Variants in STK32B observed in about 807,000 individuals in gnomAD.
The protein encoded by STK32B is serine/threonine kinase 32B, also known as serine/threonine-protein kinase 32B.
A neutral mutation model predicts 52.6 loss-of-function variants in STK32B; 43 were observed. The ratio of observed to expected loss-of-function variants is 0.82; its 90% CI spans 0.64 to 1.05. The LOEUF (loss-of-function observed/expected upper bound fraction) is 1.05, where lower values mean the gene tolerates loss of function less well. Ranked by LOEUF, STK32B falls within the 50% of genes least tolerant of loss-of-function variation. The pLI is 0.00. For missense variants in STK32B, 621 were observed against 534.6 expected (o/e 1.16, Z -1.59); for synonymous variants, 238 against 204.3 (o/e 1.17, Z -1.41).
chr4:5,490,842 C>T (rs150728959), intron 11 of STK32B, among the ~76,000 whole-genome samples: 150 of 151,980 alleles, frequency 9.9e-4, no homozygotes, highest in African/African-American at 3.4e-3. Context: ...TTTGTTCTTG[C>T]GATAGTTTAC....
intron 3 of STK32B, among the ~76,000 whole-genome samples, chr4:5,325,741 C>T (rs1459779675): frequency 2.6e-5 from 4 of 152,126 alleles, no homozygotes; most frequent in African/African-American, 9.7e-5. Flanking sequence ...CAGATTTTTC[C>T]ATAGGTCAGA....
At chr4:5,446,893 C>A in intron 7 of STK32B, 117 bp downstream of exon 7, 1 of 936,162 alleles carries the variant, frequency 1.1e-6, no homozygotes, top group Non-Finnish European at 1.6e-6. Context: ...GGGGGAGTCA[C>A]TGCCCCCCAG....
intron 1 of STK32B, among the ~76,000 whole-genome samples, chr4:5,107,907 G>T (rs764541240): frequency 6.6e-6 from 1 of 151,838 alleles, no homozygotes; most frequent in Non-Finnish European, 1.5e-5. Context: ...TTATTAAAAC[G>T]TAGCAAACAC....
chr4:5,287,508 A>G (rs1407639856), intron 3 of STK32B, among the ~76,000 whole-genome samples: 1 of 152,060 alleles, frequency 6.6e-6, no homozygotes, highest in African/African-American at 2.4e-5. Context: ...TTGAATAGAT[A>G]CATTTATATG....
At chr4:5,300,892 T>C (rs1246910741) in intron 3 of STK32B, among the ~76,000 whole-genome samples, 1 of 152,074 alleles carries the variant, frequency 6.6e-6, no homozygotes, top group Admixed American at 6.6e-5. Context: ...CATTGCAATT[T>C]CTATTAAATT....
In STK32B at chr4:5,398,998, G is replaced by A. The variant is rs1737107237; in HGVS notation, c.472+754G>A. On this transcript the variant is annotated intron_variant, in intron 5 of 11. Transcript: ENST00000282908. The surrounding 1 kb of genome is among the most constrained non-coding windows in gnomAD (Gnocchi z 4.9). Reference sequence around the variant, plus strand: ...CCCGGTCCTGCTTCAGCAAGCCTGGGCTCCTGTGTTCTGGATCCTGTGTCC... The same window carrying A: ...CCCGGTCCTGCTTCAGCAAGCCTGGACTCCTGTGTTCTGGATCCTGTGTCC... Among the ~76,000 whole-genome samples, 2 of 152,230 alleles carry A rather than the reference G, an allele frequency of 1.3e-5. No homozygotes were observed. Among genetic ancestry groups the A allele is most frequent in the African/African-American group, 4.8e-5 (2 of 41,472 alleles).
At chr4:5,176,435 C>G (rs1363928437) in intron 3 of STK32B, among the ~76,000 whole-genome samples, 1 of 118,800 alleles carries the variant, frequency 8.4e-6, no homozygotes, top group Non-Finnish European at 1.7e-5. Flanking sequence ...ATTCGGCCAT[C>G]ATCTTTTTTT....
chr4:5,332,859 T>G (rs1359831914), intron 4 of STK32B, among the ~76,000 whole-genome samples: 2 of 152,222 alleles, frequency 1.3e-5, no homozygotes, highest in African/African-American at 4.8e-5. Flanking sequence ...TATTCCATGG[T>G]GTATATGTGC....
intron 2 of STK32B, among the ~76,000 whole-genome samples, chr4:5,153,922 T>C (rs1208040011): frequency 1.3e-5 from 2 of 152,212 alleles, no homozygotes; most frequent in African/African-American, 4.8e-5. Context: ...TGCAAACTTA[T>C]ATACAGATTT....
rs1197585710 is a variant in STK32B, at chr4:5,467,302, G to C, written c.1041+468G>C. On this transcript the variant is annotated intron_variant, in intron 10 of 11. Transcript: ENST00000282908. This position sits in a 1 kb window ranked among gnomAD's most constrained non-coding sequence, Gnocchi z 5.8. ...AAACTCAAGGTCTCCGCAGAGCCCA[G>C]CTCTCTCCAAAGGCTATAGGGGAGG... Among the ~76,000 whole-genome samples, 1 of 152,168 alleles carries C rather than the reference G, an allele frequency of 6.6e-6. No individual in the cohort carries two copies. Among genetic ancestry groups the C allele is most frequent in the Middle Eastern group, 3.2e-3 (1 of 316 alleles).
intron 3 of STK32B, among the ~76,000 whole-genome samples, chr4:5,183,477 CAAAA>C (rs199998898): frequency 1.8e-5 from 2 of 109,546 alleles, no homozygotes; most frequent in Non-Finnish European, 2.0e-5. Context: ...AACTCCATCT[CAAAA>C]AAAAAAAAAA....
At chr4:5,443,053 C>A (rs1397749851) in intron 6 of STK32B, among the ~76,000 whole-genome samples, 2 of 150,958 alleles carry the variant, frequency 1.3e-5, no homozygotes, top group African/African-American at 4.9e-5. Context: ...TCCTTCATTT[C>A]AACTTTGGTG....
At chr4:5,186,806 G>C (rs1001218761) in intron 3 of STK32B, among the ~76,000 whole-genome samples, 4 of 152,186 alleles carry the variant, frequency 2.6e-5, no homozygotes, top group East Asian at 1.9e-4. Flanking sequence ...TCTCATTCTT[G>C]ACTGTTCCAG....
At chr4:5,305,341 T>G (rs1490054207) in intron 3 of STK32B, among the ~76,000 whole-genome samples, 1 of 152,048 alleles carries the variant, frequency 6.6e-6, no homozygotes, top group Non-Finnish European at 1.5e-5. Context: ...CCTTGGTAAC[T>G]TTTTAATTAC....
At chr4:5,442,728 T>C (rs1182556825) in intron 6 of STK32B, among the ~76,000 whole-genome samples, 3 of 152,246 alleles carry the variant, frequency 2.0e-5, no homozygotes, top group Admixed American at 1.3e-4. Context: ...GGCATGATTT[T>C]GCAGTGGCTG....
intron 1 of STK32B, among the ~76,000 whole-genome samples, chr4:5,136,391 A>G (rs573650961): frequency 1.0e-3 from 99 of 97,386 alleles, no homozygotes; most frequent in African/African-American, 3.5e-3. Context: ...TTGCAGCTCT[A>G]AGAGTCTGGT....
intron 3 of STK32B, among the ~76,000 whole-genome samples, chr4:5,266,689 G>A (rs552305643): frequency 1.3e-5 from 2 of 152,184 alleles, no homozygotes; most frequent in Non-Finnish European, 2.9e-5. Flanking sequence ...GCTTAAAGGA[G>A]CACTGAGTAT....
intron 4 of STK32B, among the ~76,000 whole-genome samples, chr4:5,359,195 G>C (rs554403160): frequency 6.6e-6 from 1 of 152,068 alleles, no homozygotes; most frequent in Non-Finnish European, 1.5e-5. Context: ...AGAGGAAAAT[G>C]GTGTATTTTT....
At chr4:5,172,292 C>G (rs988760785) in intron 3 of STK32B, among the ~76,000 whole-genome samples, 2 of 152,158 alleles carry the variant, frequency 1.3e-5, no homozygotes, top group African/African-American at 4.8e-5. Flanking sequence ...TAATTGAATA[C>G]CCTTTATTTC....
Sources: gnomAD v4.1 joint callset for allele counts (sites outside exome capture counted in the v4.1 genomes callset) on GRCh38, gnomAD v4.1.1 for gene constraint, Gnocchi (gnomAD v3.1) non-coding constraint, MANE v1.5 for transcripts, NCBI Gene and HGNC (gene_info 2026-07-23, HGNC 2026-07-21) for gene names.